RBM28: variants seen among roughly 807,000 people sequenced by gnomAD.
The protein encoded by RBM28 is RNA binding motif protein 28, also known as RNA-binding protein 28.
Under a neutral mutation model 98.3 loss-of-function variants are expected in RBM28, and 78 were observed. The ratio of observed to expected loss-of-function variants is 0.79; its 90% CI spans 0.66 to 0.96. The LOEUF is 0.96. RBM28 is among the 40% of genes least tolerant of loss of function. RBM28 has a pLI of 0.00. For missense variants in RBM28, 838 were observed against 913.0 expected (o/e 0.92, Z 1.06); for synonymous variants, 306 against 330.9 (o/e 0.92, Z 0.82).
At chr7:128,334,546 A>C (rs1796555871) in intron 8 of RBM28, among the ~76,000 whole-genome samples, 1 of 152,258 alleles carries the variant, frequency 6.6e-6, no homozygotes. Context: ...GAATCAGAAT[A>C]AAAACAGCTG....
At chr7:128,317,857 C>A in intron 15 of RBM28, 100 bp downstream of exon 15, 1 of 1,562,978 alleles carries the variant, frequency 6.4e-7, no homozygotes, top group Non-Finnish European at 8.8e-7. Context: ...GCCACTGTTT[C>A]CCACCCCTCA....
intron 16 of RBM28, among the ~76,000 whole-genome samples, chr7:128,315,970 C>T (rs1204454473): frequency 6.6e-6 from 1 of 152,150 alleles, no homozygotes; most frequent in East Asian, 1.9e-4. Flanking sequence ...GGAAGGAAGG[C>T]ATCAAGGAAG....
At chr7:128,313,049 A>G (rs1796020245) in intron 18 of RBM28, 126 bp downstream of exon 18, 1 of 960,200 alleles carries the variant, frequency 1.0e-6, no homozygotes, top group Non-Finnish European at 1.7e-6. Flanking sequence ...AACATTCTCT[A>G]AAAAGCTACC....
At chr7:128,329,207 C>A (rs111641601) in intron 10 of RBM28, among the ~76,000 whole-genome samples, 12,583 of 152,174 alleles carry the variant, frequency 0.083, 653 homozygotes, top group African/African-American at 0.14. Flanking sequence ...TCAAGCAATT[C>A]TCCTGCCTCA....
At chr7:128,321,756 G>A (rs1272959228) in intron 13 of RBM28, among the ~76,000 whole-genome samples, 2 of 152,120 alleles carry the variant, frequency 1.3e-5, no homozygotes, top group African/African-American at 4.8e-5. Context: ...GCCAAAATGA[G>A]ATAATATAAG....
intron 1 of RBM28, among the ~76,000 whole-genome samples, chr7:128,342,009 A>T (rs1796735024): frequency 1.3e-5 from 2 of 152,238 alleles, no homozygotes; most frequent in Admixed American, 1.3e-4. Context: ...ATATTCAAAA[A>T]TTGGCCAGGC....
At chr7:128,341,773 C>T (rs1796730622) in intron 1 of RBM28, among the ~76,000 whole-genome samples, 1 of 152,234 alleles carries the variant, frequency 6.6e-6, no homozygotes, top group African/African-American at 2.4e-5. Context: ...ATGCTACTTA[C>T]ACTGGAACCC....
Position 128,306,378 on chromosome 7 carries a change from T to C in RBM28, c.*4419A>G, listed in dbSNP as rs1795868556. The stretch of plus-strand genomic sequence containing the variant: ...TTATTTTTTCCTTCATGCTGTCTTT[T>C]GGGGTCCTTAGGAAATGACTCTGTT... On this transcript the variant is annotated 3_prime_UTR_variant, in exon 19 of 19. Transcript: ENST00000223073. The C allele has an allele frequency of 6.6e-6, 1 of 152,270 alleles. No individual in the cohort carries two copies. Among genetic ancestry groups the C allele is most frequent in the Non-Finnish European group, 1.5e-5 (1 of 68,096 alleles). 9.4% of individuals were successfully genotyped at this position (152,270 alleles called of 1,614,324 possible).
intron 8 of RBM28, among the ~76,000 whole-genome samples, chr7:128,334,869 A>T (rs1796563139): frequency 6.6e-6 from 1 of 152,192 alleles, no homozygotes; most frequent in Admixed American, 6.5e-5. Flanking sequence ...TGCTGTGCTT[A>T]TAAGAAAAGA....
At chr7:128,332,546 G>T (rs1249509450) in intron 9 of RBM28, among the ~76,000 whole-genome samples, 1 of 151,908 alleles carries the variant, frequency 6.6e-6, no homozygotes. Flanking sequence ...GTAAAAATGG[G>T]GTTTCACCAT....
At chr7:128,339,499 G>C (rs1432951508) in intron 2 of RBM28, 134 bp downstream of exon 2, 3 of 1,253,790 alleles carry the variant, frequency 2.4e-6, no homozygotes, top group Non-Finnish European at 3.4e-6. Context: ...CAATACACTG[G>C]ATGATTTTGG....
intron 1 of RBM28, chr7:128,341,295 A>C (rs948221894): frequency 4.3e-6 from 3 of 705,234 alleles, no homozygotes; most frequent in Non-Finnish European, 6.3e-6. Context: ...CTCACCTTTC[A>C]GAAAATGAGC....
rs954193703 is a variant in RBM28 at position 128,307,475 on chromosome 7, C to G, written c.*3322G>C. ...ACCTCTTTTCAAGACAAAAACATAC[C>G]AAAGTACATTTTGAAGTATTTCGAA... On this transcript the variant is annotated 3_prime_UTR_variant, in exon 19 of 19. Transcript: ENST00000223073. The G allele has an allele frequency of 6.6e-6, 1 of 152,150 alleles. No homozygotes were observed. The highest frequency in any genetic ancestry group is 1.5e-5 in the Non-Finnish European group (1 of 68,024). The allele number at this position is 152,150 out of a possible 1,614,324, so 9.4% of individuals were successfully genotyped here.
intron 9 of RBM28, 64 bp downstream of exon 9, chr7:128,333,223 GAGA>G (rs1796522765): frequency 7.6e-6 from 10 of 1,314,318 alleles, no homozygotes; most frequent in East Asian, 4.6e-5. Context: ...GTGCCAAAAA[GAGA>G]AGAAGAAGGA....
At chr7:128,313,820 C>T (rs1203624402) in intron 17 of RBM28, among the ~76,000 whole-genome samples, 1 of 152,166 alleles carries the variant, frequency 6.6e-6, no homozygotes, top group Non-Finnish European at 1.5e-5. Flanking sequence ...AAACACTCCC[C>T]CCTGCTCCTG....
rs774812226 is a variant in RBM28 at position 128,333,357 on chromosome 7, G to T, written c.952C>A (p.Gln318Lys). 2 of 1,594,726 alleles carry T rather than the reference G, an allele frequency of 1.3e-6. No individual in the cohort carries two copies. The highest frequency in any genetic ancestry group is 1.7e-6 in the Non-Finnish European group (2 of 1,162,528). Residue 318 changes from glutamine (Q) to lysine (K), a missense_variant, in exon 9 of 19, where the codon CAA becomes AAA. Physicochemically the swap from Gln to Lys is moderately conservative, Grantham distance 53. Coordinates refer to ENST00000223073, the MANE Select transcript of RBM28 (RefSeq NM_018077.3). ...TTCCTCTTCTTTTTGTTTGAGACTT[G>T]CACAGCTAAGGTAAAAAGAAAAACA... is the stretch of plus-strand genomic sequence containing the variant. ...STEEQEDKAV[Q>K]VSNKKKRKLP...
At chr7:128,330,675 C>A in intron 10 of RBM28, 144 bp downstream of exon 10, 1 of 720,352 alleles carries the variant, frequency 1.4e-6, no homozygotes, top group Non-Finnish European at 2.5e-6. Context: ...CCCGGCGTCC[C>A]TGGTACTTTT....
At chr7:128,315,307 G>C (rs1454643723) in intron 16 of RBM28, among the ~76,000 whole-genome samples, 1 of 152,148 alleles carries the variant, frequency 6.6e-6, no homozygotes, top group African/African-American at 2.4e-5. Flanking sequence ...AATTATCAAA[G>C]GTGTAACCTA....
At chr7:128,342,310 A>G (rs1434576988) in intron 1 of RBM28, among the ~76,000 whole-genome samples, 4 of 152,224 alleles carry the variant, frequency 2.6e-5, no homozygotes, top group African/African-American at 9.7e-5. Flanking sequence ...CCAACAGTCT[A>G]TTGGCAACAC....
Sources: gnomAD v4.1 joint callset for allele counts (sites outside exome capture counted in the v4.1 genomes callset) on GRCh38, gnomAD v4.1.1 for gene constraint, MANE v1.5 for transcripts, NCBI Gene and HGNC (gene_info 2026-07-23, HGNC 2026-07-21) for gene names.